The following NLN variants were observed in gnomAD, a reference collection of about 807,000 sequenced individuals.
The protein encoded by NLN is neurolysin, mitochondrial.
In NLN, 64 loss-of-function variants were observed where a neutral mutation model predicts 79.9. That is an observed-to-expected ratio of 0.80 (90% CI 0.65 to 0.99). The LOEUF (loss-of-function observed/expected upper bound fraction) is 0.99, where lower values mean the gene tolerates loss of function less well. Among genes scored for constraint, NLN ranks in the 50% least tolerant of loss-of-function variants. NLN has a pLI of 0.00. For missense variants in NLN, 835 were observed against 858.7 expected, an observed-to-expected ratio of 0.97 and a Z score of 0.34; for synonymous variants, 267 against 296.6, an observed-to-expected ratio of 0.90 and a Z score of 1.02.
intron 9 of NLN, among the ~76,000 whole-genome samples, chr5:65,808,043 TG>T (rs1760455212): frequency 6.6e-6 from 1 of 152,222 alleles, no homozygotes; most frequent in Non-Finnish European, 1.5e-5. Flanking sequence ...ATTCAATTTC[TG>T]GGGACCCTTA....
chr5:65,752,873 T>G (rs1759129954), intron 1 of NLN, among the ~76,000 whole-genome samples: 2 of 152,218 alleles, frequency 1.3e-5, no homozygotes, highest in Non-Finnish European at 2.9e-5. Context: ...TCTCAGAAGG[T>G]GAGAAAAAAA....
intron 9 of NLN, among the ~76,000 whole-genome samples, chr5:65,798,642 A>G (rs72768040): frequency 0.021 from 3,199 of 152,304 alleles, 52 homozygotes; most frequent in East Asian, 0.067. Context: ...TGACTTTAAC[A>G]TCAGATGTAA....
chr5:65,810,067 G>A lies in NLN; in HGVS notation c.1745G>A (p.Ser582Asn). The A allele has an allele frequency of 1.2e-6, 2 of 1,614,080 alleles. No individual in the cohort carries two copies. Among genetic ancestry groups the A allele is most frequent in the Non-Finnish European group, 1.7e-6 (2 of 1,179,984 alleles). ...GLLTLRQIVL[S>N]KVDQSLHTNT... The stretch of plus-strand genomic sequence containing the variant: ...CTGACCCTGCGCCAGATTGTTTTGA[G>A]CAAAGTTGATCAGTCTCTTCATACC... The change falls in exon 11 of 13, where the codon AGC (serine) becomes AAC (asparagine). Residue 582 changes from serine (S) to asparagine (N), a missense_variant. Transcript: ENST00000380985.
intron 12 of NLN, among the ~76,000 whole-genome samples, chr5:65,817,401 A>C (rs928813840): frequency 5.9e-5 from 9 of 152,196 alleles, no homozygotes; most frequent in African/African-American, 2.2e-4. Flanking sequence ...CTTTTCCAGG[A>C]AGCTCTCAAA....
chr5:65,810,236 G>A (rs1760515009), intron 11 of NLN, 71 bp downstream of exon 11: 8 of 1,338,340 alleles, frequency 6.0e-6, no homozygotes, highest in Admixed American at 1.8e-5. Context: ...CTGCAGGGGA[G>A]ATGGAGTTTG....
chr5:65,785,105 G>A (rs1295625629), intron 6 of NLN, among the ~76,000 whole-genome samples: 1 of 152,030 alleles, frequency 6.6e-6, no homozygotes, highest in Non-Finnish European at 1.5e-5. Context: ...TCCATCTTTT[G>A]GCTGTTATAA....
intron 9 of NLN, among the ~76,000 whole-genome samples, chr5:65,798,067 C>A (rs768481707): frequency 6.6e-6 from 1 of 152,038 alleles, no homozygotes; most frequent in Non-Finnish European, 1.5e-5. Flanking sequence ...GAAAGACAAG[C>A]GAAAGACAAG....
chr5:65,739,601 T>G (rs567720184), intron 1 of NLN, among the ~76,000 whole-genome samples: 49 of 152,338 alleles, frequency 3.2e-4, no homozygotes, highest in African/African-American at 1.2e-3. Flanking sequence ...CTGTTTTCCA[T>G]AATGGCTGTA....
intron 3 of NLN, among the ~76,000 whole-genome samples, chr5:65,777,225 T>C (rs571430059): frequency 2.2e-4 from 34 of 152,382 alleles, no homozygotes; most frequent in African/African-American, 8.2e-4. Flanking sequence ...TAGCTTTTTA[T>C]TTATTTAATG....
At chr5:65,764,791 CT>C in intron 3 of NLN, among the ~76,000 whole-genome samples, 1 of 152,268 alleles carries the variant, frequency 6.6e-6, no homozygotes, top group Non-Finnish European at 1.5e-5. Context: ...ACAACATTTG[CT>C]AACTCTACAT....
chr5:65,819,971 C>G (rs1760758432), intron 12 of NLN, among the ~76,000 whole-genome samples: 1 of 152,112 alleles, frequency 6.6e-6, no homozygotes, highest in African/African-American at 2.4e-5. Flanking sequence ...ATTGAATCAA[C>G]TTGTTTGGAG....
intron 1 of NLN, among the ~76,000 whole-genome samples, chr5:65,731,765 TTTTC>T (rs1390853017): frequency 1.5e-3 from 125 of 85,078 alleles, no homozygotes; most frequent in Middle Eastern, 0.011. Flanking sequence ...TTTTTTTTTT[TTTTC>T]AGACAGAGTC....
chr5:65,727,730 G>T (rs1758510084), intron 1 of NLN, among the ~76,000 whole-genome samples: 1 of 152,218 alleles, frequency 6.6e-6, no homozygotes, highest in African/African-American at 2.4e-5. Context: ...TAATAGCCTA[G>T]CTTCCTCTTG....
chr5:65,734,162 G>T (rs1428131185), intron 1 of NLN, among the ~76,000 whole-genome samples: 1 of 139,142 alleles, frequency 7.2e-6, no homozygotes, highest in East Asian at 2.0e-4. Context: ...CTCCCAAAGT[G>T]TAATTTTTGT....
At chr5:65,733,378 A>C (rs1206298962) in intron 1 of NLN, 1 of 1,509,850 alleles carries the variant, frequency 6.6e-7, no homozygotes, top group Non-Finnish European at 9.1e-7. Flanking sequence ...ACCACCTTCT[A>C]CTTTCATGGA....
intron 1 of NLN, among the ~76,000 whole-genome samples, chr5:65,723,580 C>T (rs983811299): frequency 6.6e-6 from 1 of 151,858 alleles, no homozygotes; most frequent in African/African-American, 2.4e-5. Flanking sequence ...TTTGGGAGGC[C>T]GAGGCGGGTG....
At chr5:65,773,894 G>C (rs1331275721) in intron 3 of NLN, among the ~76,000 whole-genome samples, 1 of 152,156 alleles carries the variant, frequency 6.6e-6, no homozygotes, top group Non-Finnish European at 1.5e-5. Context: ...AATGAGCCAT[G>C]ATCACACCAC....
At chr5:65,760,730 C>G (rs1339189684) in intron 2 of NLN, among the ~76,000 whole-genome samples, 1 of 152,140 alleles carries the variant, frequency 6.6e-6, no homozygotes, top group Non-Finnish European at 1.5e-5. Context: ...CCAGGCTGGT[C>G]TCATGTATGT....
chr5:65,810,560 AT>A (rs754262173), intron 11 of NLN, among the ~76,000 whole-genome samples: 1 of 152,008 alleles, frequency 6.6e-6, no homozygotes, highest in Non-Finnish European at 1.5e-5. Context: ...TATTTTGTTT[AT>A]TTTTTCCATC....
Sources: gnomAD v4.1 joint callset for allele counts (sites outside exome capture counted in the v4.1 genomes callset) on GRCh38, gnomAD v4.1.1 for gene constraint, MANE v1.5 for transcripts, NCBI Gene and HGNC (gene_info 2026-07-23, HGNC 2026-07-21) for gene names.